INTS6: variants seen among roughly 807,000 people sequenced by gnomAD.
INTS6 encodes the protein integrator complex subunit 6.
Under a neutral mutation model 104.9 loss-of-function variants are expected in INTS6, and 16 were observed. The ratio of observed to expected loss-of-function variants is 0.15; its 90% CI spans 0.10 to 0.23. The LOEUF (loss-of-function observed/expected upper bound fraction) is 0.23, where lower values mean the gene tolerates loss of function less well. INTS6 is among the 10% of genes least tolerant of loss of function. The pLI is 1.00. For missense variants in INTS6, 584 were observed against 1,062.8 expected, an observed-to-expected ratio of 0.55 and a Z score of 6.26; for synonymous variants, 324 against 358.7, an observed-to-expected ratio of 0.90 and a Z score of 1.09.
chr13:51,382,648 T>G (rs1364156365), intron 9 of INTS6, among the ~76,000 whole-genome samples: 3 of 151,848 alleles, frequency 2.0e-5, no homozygotes, highest in Non-Finnish European at 2.9e-5. Context: ...TCTTAGAAAA[T>G]GCACTCAGAT....
downstream of INTS6, among the ~76,000 whole-genome samples, chr13:51,350,931 C>A (rs1955397079): frequency 1.3e-5 from 2 of 152,136 alleles, no homozygotes; most frequent in African/African-American, 4.8e-5. Context: ...TGTCTGGCTT[C>A]TTTGCATAAT....
intron 5 of INTS6, among the ~76,000 whole-genome samples, chr13:51,395,096 G>A (rs1566221921): frequency 6.6e-6 from 1 of 152,068 alleles, no homozygotes; most frequent in Non-Finnish European, 1.5e-5. Flanking sequence ...ACCATTCCTT[G>A]TCATGTCCAA....
Position 51,453,013 on chromosome 13 carries a change from C to G in INTS6, c.-488G>C, listed in dbSNP as rs1486488130. 9.9e-7 allele frequency: 1 copy of G among 1,012,352 alleles called. No individual in the cohort carries two copies. The highest frequency in any genetic ancestry group is 1.1e-4 in the East Asian group (1 of 8,888). The allele number at this position is 1,012,352 out of a possible 1,614,324, so 62.7% of individuals were successfully genotyped here. Reference sequence around the variant, plus strand: ...CGCACCCCGGCGGTGTCACCACTTTCTCAGCCCCTCTCGCTACTGAAGCGC... The same window carrying G: ...CGCACCCCGGCGGTGTCACCACTTTGTCAGCCCCTCTCGCTACTGAAGCGC... On this transcript the variant is annotated 5_prime_UTR_variant, in exon 1 of 18. Transcript: ENST00000311234.
intron 3 of INTS6, among the ~76,000 whole-genome samples, chr13:51,355,655 C>T (rs190926822): frequency 3.3e-5 from 5 of 152,274 alleles, no homozygotes; most frequent in Non-Finnish European, 5.9e-5. Flanking sequence ...AAATGTTCTC[C>T]TTTCCACCAA....
chr13:51,411,019 T>A (rs1207176630), intron 4 of INTS6, among the ~76,000 whole-genome samples: 1 of 149,876 alleles, frequency 6.7e-6, no homozygotes, highest in Non-Finnish European at 1.5e-5. Flanking sequence ...TGAGACCAGA[T>A]TGGCCAACAT....
intron 4 of INTS6, among the ~76,000 whole-genome samples, chr13:51,417,805 C>T (rs995204921): frequency 6.6e-6 from 1 of 152,148 alleles, no homozygotes; most frequent in Non-Finnish European, 1.5e-5. Flanking sequence ...TGTCAAAAAT[C>T]GACTGACTAT....
chr13:51,357,689 T>C (rs1287080351), downstream of INTS6, among the ~76,000 whole-genome samples: 1 of 151,974 alleles, frequency 6.6e-6, no homozygotes, highest in Non-Finnish European at 1.5e-5. Flanking sequence ...TCCTTGATAC[T>C]AGATGTTATG....
At position 51,362,246 on chromosome 13, in the gene INTS6, C is replaced by A. The variant is rs1215348533; in HGVS notation, c.*3506G>T. 1 of 418,212 alleles carries A rather than the reference C, an allele frequency of 2.4e-6. No individual in the cohort carries two copies. Among genetic ancestry groups the A allele is most frequent in the Non-Finnish European group, 4.0e-6 (1 of 247,952 alleles). The allele number at this position is 418,212 out of a possible 1,614,324, so 25.9% of individuals were successfully genotyped here. On this transcript the variant is annotated 3_prime_UTR_variant, in exon 18 of 18. Transcript: ENST00000311234. ...TTTTTTCCCTTTGTCCCCTAGCTTT[C>A]TTATCATTTTAGAGTTTTTTCAGGT...
At chr13:51,426,362 T>C (rs1956986093) in intron 4 of INTS6, among the ~76,000 whole-genome samples, 1 of 152,048 alleles carries the variant, frequency 6.6e-6, no homozygotes, top group East Asian at 1.9e-4. Context: ...AGGAAAACTA[T>C]TTTCTAGGCT....
chr13:51,451,861 G>T (rs1953061355), intron 2 of INTS6, 117 bp downstream of exon 2: 1 of 640,764 alleles, frequency 1.6e-6, no homozygotes, highest in African/African-American at 1.8e-5. Flanking sequence ...TCAGCGGCTG[G>T]GAGCGCAGCG....
intron 3 of INTS6, chr13:51,449,910 G>C: frequency 1.0e-6 from 1 of 985,030 alleles, no homozygotes; most frequent in Non-Finnish European, 1.2e-6. Flanking sequence ...AGCTCACTCT[G>C]AATTTCAGTG....
At chr13:51,400,354 A>G (rs1956413760) in intron 4 of INTS6, among the ~76,000 whole-genome samples, 1 of 152,184 alleles carries the variant, frequency 6.6e-6, no homozygotes, top group South Asian at 2.1e-4. Flanking sequence ...ATCTAAATAT[A>G]TTTTTCCTTT....
chr13:51,418,949 C>T lies in INTS6; in HGVS notation c.429+11345G>A, dbSNP rs972128490. Reference sequence around the variant, plus strand: ...AACATCTTAAAAAGATCCCTGTGCCCATTTGCAGTCAGTCTCCCAAACACT... The same window carrying T: ...AACATCTTAAAAAGATCCCTGTGCCTATTTGCAGTCAGTCTCCCAAACACT... On this transcript the variant is annotated intron_variant, in intron 4 of 17. Coordinates refer to ENST00000311234, the MANE Select transcript of INTS6 (RefSeq NM_012141.3). Among the ~76,000 whole-genome samples, 5 of 152,240 alleles carry T rather than the reference C, an allele frequency of 3.3e-5. No individual in the cohort carries two copies. In the South Asian group the frequency reaches 6.2e-4, roughly 19 times the overall value.
chr13:51,400,540 T>C (rs1400931743), intron 4 of INTS6, among the ~76,000 whole-genome samples: 2 of 152,206 alleles, frequency 1.3e-5, no homozygotes, highest in South Asian at 2.1e-4. Flanking sequence ...GGATATCCAA[T>C]TGATACAGGC....
intron 4 of INTS6, among the ~76,000 whole-genome samples, chr13:51,424,692 C>T (rs1180531800): frequency 6.6e-6 from 1 of 151,988 alleles, no homozygotes; most frequent in Non-Finnish European, 1.5e-5. Context: ...GTATTTAGAA[C>T]ATCTGAATCG....
downstream of INTS6, among the ~76,000 whole-genome samples, chr13:51,360,212 A>G (rs972735978): frequency 3.3e-5 from 5 of 152,050 alleles, no homozygotes; most frequent in South Asian, 2.1e-4. Context: ...CCCTCACACA[A>G]TATGTGTTCA....
At chr13:51,421,380 G>C in intron 4 of INTS6, 1 of 793,668 alleles carries the variant, frequency 1.3e-6, no homozygotes, top group Non-Finnish European at 1.5e-6. Context: ...AAAACAAAGG[G>C]GGAAAAATCA....
chr13:51,397,835 GCA>G (rs200064122), intron 4 of INTS6, among the ~76,000 whole-genome samples: 1 of 150,578 alleles, frequency 6.6e-6, no homozygotes, highest in Non-Finnish European at 1.5e-5. Context: ...ACACACACAT[GCA>G]CACACACAAA....
intron 15 of INTS6, 111 bp from the exon 16 acceptor site, chr13:51,369,421 T>C: frequency 1.9e-6 from 2 of 1,076,788 alleles, no homozygotes; most frequent in East Asian, 2.4e-5. Context: ...CCTTGACTAA[T>C]GCAAGTTAAC....
Sources: allele counts gnomAD v4.1 joint callset (sites outside exome capture counted in the v4.1 genomes callset), GRCh38; gene constraint gnomAD v4.1.1; transcripts MANE v1.5; gene names NCBI Gene and HGNC (gene_info 2026-07-23, HGNC 2026-07-21).